Variants in ESR2 observed in about 807,000 individuals in gnomAD.
ESR2 encodes estrogen receptor 2.
In ESR2, 36 loss-of-function variants were observed where a neutral mutation model predicts 49.6. The observed-to-expected ratio is 0.73, with a 90% CI of 0.56 to 0.96. The LOEUF is 0.96. Among genes scored for constraint, ESR2 ranks in the 40% least tolerant of loss-of-function variants. ESR2 has a pLI of 0.00. For synonymous variants in ESR2, 320 were observed against 266.1 expected (o/e 1.20, Z -1.97); for missense variants, 714 against 693.0 (o/e 1.03, Z -0.34).
chr14:64,267,534 A>G (rs961846326), intron 4 of ESR2, among the ~76,000 whole-genome samples: 1 of 152,140 alleles, frequency 6.6e-6, no homozygotes, highest in African/African-American at 2.4e-5. Context: ...TTACATACAC[A>G]GAGAAAAGAA....
intron 6 of ESR2, among the ~76,000 whole-genome samples, chr14:64,253,618 G>GTATA (rs748150831): frequency 1.2e-4 from 18 of 147,532 alleles, no homozygotes; most frequent in Admixed American, 6.1e-4. Flanking sequence ...GTATGTGTGT[G>GTATA]TATATATATA....
intron 7 of ESR2, 132 bp from the exon 8 acceptor site, chr14:64,235,282 T>A: frequency 1.1e-6 from 1 of 900,356 alleles, no homozygotes; most frequent in South Asian, 1.7e-5. Context: ...CAGGAGCTTA[T>A]AAGCATGGTC....
At chr14:64,268,501 A>T (rs2140760839) in intron 4 of ESR2, among the ~76,000 whole-genome samples, 1 of 152,304 alleles carries the variant, frequency 6.6e-6, no homozygotes, top group African/African-American at 2.4e-5. Context: ...TCCAGTGGCT[A>T]GAAGTCCCCT....
At chr14:64,227,646 G>A (rs773485191), downstream of ESR2, 1 of 1,613,230 alleles carries the variant, frequency 6.2e-7, no homozygotes, top group Non-Finnish European at 8.5e-7. Context: ...AGTCAAAGTT[G>A]CAGTGAAAGG....
chr14:64,242,992 C>T (rs994895656), intron 7 of ESR2, among the ~76,000 whole-genome samples: 18 of 152,226 alleles, frequency 1.2e-4, no homozygotes, highest in Non-Finnish European at 5.9e-5. Flanking sequence ...CATCAAATCT[C>T]GTGAGATTTA....
At chr14:64,283,473 A>G (rs916008211) in intron 1 of ESR2, among the ~76,000 whole-genome samples, 2 of 152,172 alleles carry the variant, frequency 1.3e-5, no homozygotes, top group African/African-American at 4.8e-5. Context: ...AAAATACGCT[A>G]TGAGGCCAAG....
intron 3 of ESR2, among the ~76,000 whole-genome samples, chr14:64,274,636 C>T (rs997743205): frequency 1.3e-5 from 2 of 151,758 alleles, no homozygotes; most frequent in Admixed American, 6.6e-5. Context: ...TATTTCTTTT[C>T]TTCTATTAAT....
At position 64,229,703 on chromosome 14, in the gene ESR2, TCAG is replaced by T. The variant is rs1249436261; in HGVS notation, c.*3431_*3433del. ...CAATCACCTACTCCCCACGTGACCT[TCAG>T]CAAGTTTGCTTAGACCGTGTCTAGT... On this transcript the variant is annotated 3_prime_UTR_variant, in exon 9 of 9. Transcript: ENST00000341099. Among the ~76,000 whole-genome samples, 4 of 152,254 alleles carry T rather than the reference TCAG, an allele frequency of 2.6e-5. No homozygotes were observed. Among genetic ancestry groups the T allele is most frequent in the Admixed American group, 6.5e-5 (1 of 15,288 alleles).
Position 64,235,116 on chromosome 14 carries a change from A to G in ESR2, c.1260T>C (p.Ala420=). Residue 420 remains alanine, a synonymous_variant, in exon 8 of 9, where the codon GCT becomes GCC. Transcript: ENST00000341099. ...AGTGAGCCAGCTTCCGGCTGCTGTC[A>G]GCATCCTGGGTCGCTGTGACCAGAG... ...MYPLVTATQD[A]DSSRKLAHLL... 6.2e-7 allele frequency: 1 copy of G among 1,614,096 alleles called. No homozygotes were observed. Among genetic ancestry groups the G allele is most frequent in the East Asian group, 2.2e-5 (1 of 44,886 alleles).
intron 3 of ESR2, among the ~76,000 whole-genome samples, chr14:64,276,503 G>A (rs1431143918): frequency 6.6e-6 from 1 of 152,126 alleles, no homozygotes; most frequent in Non-Finnish European, 1.5e-5. Flanking sequence ...CACTCACACT[G>A]CTGGTAAAAG....
intron 1 of ESR2, among the ~76,000 whole-genome samples, chr14:64,320,395 C>G (rs1348694777): frequency 6.6e-6 from 1 of 151,056 alleles, no homozygotes; most frequent in East Asian, 1.9e-4. Flanking sequence ...GCGAGACATC[C>G]ATCTCAAAAA....
intron 7 of ESR2, among the ~76,000 whole-genome samples, chr14:64,245,415 G>A (rs1430019978): frequency 6.7e-6 from 1 of 149,934 alleles, no homozygotes; most frequent in Admixed American, 6.8e-5. Flanking sequence ...AGGAGGCTGA[G>A]GCAGGAGAAC....
chr14:64,311,644 GAAAAAAAAAA>G (rs71123837), intron 1 of ESR2, among the ~76,000 whole-genome samples: 1 of 91,846 alleles, frequency 1.1e-5, no homozygotes, highest in Non-Finnish European at 2.2e-5. Flanking sequence ...CTCCATCTCA[GAAAAAAAAAA>G]AAAAAAAAAA....
At chr14:64,286,327 G>A (rs1168796030) in intron 1 of ESR2, among the ~76,000 whole-genome samples, 5 of 151,990 alleles carry the variant, frequency 3.3e-5, no homozygotes, top group African/African-American at 4.8e-5. Context: ...TTTACATGGA[G>A]TTTCGCTGTG....
At chr14:64,267,232 T>C (rs1384354641) in intron 4 of ESR2, among the ~76,000 whole-genome samples, 2 of 152,226 alleles carry the variant, frequency 1.3e-5, no homozygotes, top group Admixed American at 6.5e-5. Flanking sequence ...ATTCATAATA[T>C]GTTTGAGTAA....
chr14:64,305,826 T>C (rs914250966), intron 1 of ESR2, among the ~76,000 whole-genome samples: 9 of 152,184 alleles, frequency 5.9e-5, no homozygotes, highest in Non-Finnish European at 1.2e-4. Flanking sequence ...ATGTTAGGTA[T>C]TTAACACTAC....
At chr14:64,334,651 T>C (rs548190036) in intron 1 of ESR2, among the ~76,000 whole-genome samples, 1 of 152,128 alleles carries the variant, frequency 6.6e-6, no homozygotes, top group East Asian at 1.9e-4. Context: ...GAAATTGTGG[T>C]CTTATTTTAT....
chr14:64,303,236 G>A (rs901532284), intron 1 of ESR2, among the ~76,000 whole-genome samples: 1 of 152,146 alleles, frequency 6.6e-6, no homozygotes, highest in African/African-American at 2.4e-5. Flanking sequence ...TGCTCAGGTC[G>A]GCTTCTTTTT....
chr14:64,306,748 T>C (rs765387630), intron 1 of ESR2, among the ~76,000 whole-genome samples: 2 of 152,188 alleles, frequency 1.3e-5, no homozygotes, highest in Non-Finnish European at 2.9e-5. Flanking sequence ...TTTCTAAGAA[T>C]GTCTTTGTCA....
Sources: allele counts gnomAD v4.1 joint callset (sites outside exome capture counted in the v4.1 genomes callset), GRCh38; gene constraint gnomAD v4.1.1; transcripts MANE v1.5; gene names NCBI Gene and HGNC (gene_info 2026-07-23, HGNC 2026-07-21).